KDM4B: variants seen among roughly 807,000 people sequenced by gnomAD.
The protein encoded by KDM4B is lysine-specific demethylase 4B.
Under a neutral mutation model 125.2 loss-of-function variants are expected in KDM4B, and 32 were observed. The observed-to-expected ratio is 0.26, with a 90% CI of 0.19 to 0.34. The LOEUF (loss-of-function observed/expected upper bound fraction) is 0.34, where lower values mean the gene tolerates loss of function less well. Ranked by LOEUF, KDM4B falls within the 10% of genes least tolerant of loss-of-function variation. The probability of loss-of-function intolerance (pLI) is 1.00; values close to 1 mark genes in which losing one functional copy is unlikely to be tolerated. For synonymous variants in KDM4B, 721 were observed against 677.9 expected (o/e 1.06, Z -0.99); for missense variants, 1,190 against 1,577.7 (o/e 0.75, Z 4.16).
intron 11 of KDM4B, among the ~76,000 whole-genome samples, chr19:5,130,846 T>C (rs923425762): frequency 1.4e-4 from 22 of 152,250 alleles, no homozygotes; most frequent in African/African-American, 5.1e-4. Context: ...GTGCCGCTGC[T>C]GCGCCTGCGT....
intron 21 of KDM4B, among the ~76,000 whole-genome samples, chr19:5,149,253 TCTTA>T (rs1409603185): frequency 2.0e-5 from 3 of 152,224 alleles, no homozygotes; most frequent in South Asian, 2.1e-4. Context: ...TCCGCGATGG[TCTTA>T]CTGTGTGACT....
At chr19:5,055,512 A>G (rs1461024670) in intron 6 of KDM4B, among the ~76,000 whole-genome samples, 3 of 152,148 alleles carry the variant, frequency 2.0e-5, no homozygotes, top group African/African-American at 4.8e-5. Flanking sequence ...ACCGTTGCCC[A>G]TGGATTTGGG....
chr19:5,143,060 T>C (rs1006773279), intron 18 of KDM4B, among the ~76,000 whole-genome samples: 24 of 152,096 alleles, frequency 1.6e-4, no homozygotes, highest in Admixed American at 1.4e-3. Flanking sequence ...GCGCGATGGC[T>C]CACGCCTGTA....
At chr19:5,004,989 TG>T (rs1276196399) in intron 1 of KDM4B, among the ~76,000 whole-genome samples, 2 of 152,244 alleles carry the variant, frequency 1.3e-5, no homozygotes, top group Non-Finnish European at 2.9e-5. Context: ...CTCCCACCCC[TG>T]GAAGTGGTAA....
rs191635948 is a variant in KDM4B at position 5,096,548 on chromosome 19, C to T, written c.918+14044C>T. The stretch of plus-strand genomic sequence containing the variant: ...CTGCCCAGACCCCAGTTTCTCACTT[C>T]CGTGCGATGTGGCATTTCTACACTG... On this transcript the variant is annotated intron_variant, in intron 9 of 22. Coordinates refer to ENST00000159111, the MANE Select transcript of KDM4B (RefSeq NM_015015.3). Among the ~76,000 whole-genome samples the T allele has an allele frequency of 5.7e-4, 87 of 152,306 alleles. 1 individual carries two copies. The South Asian group carries it at 6.0e-3, about 11-fold the overall frequency.
intron 9 of KDM4B, among the ~76,000 whole-genome samples, chr19:5,085,086 G>A (rs940992531): frequency 3.3e-5 from 5 of 152,152 alleles, no homozygotes; most frequent in African/African-American, 7.2e-5. Flanking sequence ...TCCTGGCCAC[G>A]CCGGTCTGGA....
At chr19:5,119,217 G>C (rs758860426) in intron 10 of KDM4B, 37 of 1,527,244 alleles carry the variant, frequency 2.4e-5, no homozygotes, top group Non-Finnish European at 1.8e-5. Flanking sequence ...GGCCGGGGCT[G>C]TCGTAAGTGT....
rs1430886328 is a variant in KDM4B, at chr19:4,969,137, CG to C, written c.-198del. The C allele has an allele frequency of 6.6e-4, 99 of 150,850 alleles. 1 individual carries two copies. The highest frequency in any genetic ancestry group is 2.3e-3 in the African/African-American group (96 of 41,212). The allele number at this position is 150,850 out of a possible 1,614,324, so 9.3% of individuals were successfully genotyped here. A position where few individuals can be genotyped will look rare whatever the true frequency, so the allele number is the denominator to read the frequency against. ...GAGGGCTCGGTCGCCAGCAACCGAG[CG>C]GGGCCCGGCCCGAGCGGGGCCTGGG... is the stretch of plus-strand genomic sequence containing the variant. On this transcript the variant is annotated 5_prime_UTR_variant, in exon 1 of 23. Coordinates refer to ENST00000159111, the MANE Select transcript of KDM4B (RefSeq NM_015015.3).
At chr19:5,062,782 T>G (rs1014367140) in intron 6 of KDM4B, among the ~76,000 whole-genome samples, 3 of 147,034 alleles carry the variant, frequency 2.0e-5, no homozygotes, top group East Asian at 2.0e-4. Flanking sequence ...ACTGTTTTTT[T>G]TTTTTTTTTT....
chr19:5,074,421 T>A (rs1283043546), intron 7 of KDM4B: 1 of 152,202 alleles, frequency 6.6e-6, no homozygotes, highest in African/African-American at 2.4e-5. Flanking sequence ...ATATGGAAAA[T>A]GAATAGCTGT....
intron 11 of KDM4B, among the ~76,000 whole-genome samples, chr19:5,125,741 C>T (rs1448480392): frequency 1.3e-5 from 2 of 152,222 alleles, no homozygotes; most frequent in Admixed American, 6.5e-5. Flanking sequence ...GTCAGGGTCT[C>T]TGCCCAGGGA....
chr19:5,125,339 T>C (rs997772849), intron 11 of KDM4B, among the ~76,000 whole-genome samples: 1 of 152,206 alleles, frequency 6.6e-6, no homozygotes, highest in Non-Finnish European at 1.5e-5. Context: ...AGGGAGGTCC[T>C]GAACCAGGGG....
At chr19:5,139,432 C>T (rs2039703484) in intron 18 of KDM4B, among the ~76,000 whole-genome samples, 2 of 152,196 alleles carry the variant, frequency 1.3e-5, no homozygotes, top group Non-Finnish European at 2.9e-5. Flanking sequence ...GATGTCATTT[C>T]CTGTGGATAC....
intron 9 of KDM4B, among the ~76,000 whole-genome samples, chr19:5,087,717 A>T (rs557782699): frequency 6.6e-6 from 1 of 151,860 alleles, no homozygotes; most frequent in African/African-American, 2.4e-5. Context: ...ACTTTTTCCC[A>T]ACTTAAGGCG....
intron 11 of KDM4B, among the ~76,000 whole-genome samples, chr19:5,128,089 C>G (rs2146043949): frequency 6.6e-6 from 1 of 151,976 alleles, no homozygotes; most frequent in African/African-American, 2.4e-5. Flanking sequence ...CTGGAGTCTC[C>G]TGTGTGCGGA....
chr19:5,111,265 T>A (rs2039138715), intron 10 of KDM4B: 1 of 674,496 alleles, frequency 1.5e-6, no homozygotes, highest in Non-Finnish European at 2.7e-6. Flanking sequence ...TCGGGTTCCC[T>A]GCAAGGACTC....
At chr19:5,073,127 C>T (rs2038000022) in intron 7 of KDM4B, among the ~76,000 whole-genome samples, 1 of 152,252 alleles carries the variant, frequency 6.6e-6, no homozygotes, top group Non-Finnish European at 1.5e-5. Context: ...CTGCAAAGTC[C>T]CTTTCAGCAT....
intron 6 of KDM4B, among the ~76,000 whole-genome samples, chr19:5,067,760 C>A (rs980688386): frequency 1.3e-5 from 2 of 152,266 alleles, no homozygotes; most frequent in Admixed American, 1.3e-4. Context: ...GGACCAGTGG[C>A]CCCTGCACAG....
chr19:5,111,699 C>G, intron 10 of KDM4B: 1 of 749,082 alleles, frequency 1.3e-6, no homozygotes, highest in East Asian at 2.4e-5. Flanking sequence ...CCGGGAGGGA[C>G]GGCACAGAGT....
Sources: allele counts gnomAD v4.1 joint callset (sites outside exome capture counted in the v4.1 genomes callset), GRCh38; gene constraint gnomAD v4.1.1; transcripts MANE v1.5; gene names NCBI Gene and HGNC (gene_info 2026-07-23, HGNC 2026-07-21).